IBTK: variants seen among roughly 807,000 people sequenced by gnomAD.
IBTK encodes the protein BTK-binding protein.
In IBTK, 83 loss-of-function variants were observed where a neutral mutation model predicts 154.9. The ratio of observed to expected loss-of-function variants is 0.54; its 90% CI spans 0.45 to 0.64. The LOEUF is 0.64. Ranked by LOEUF, IBTK falls within the 30% of genes least tolerant of loss-of-function variation. The pLI, the probability that IBTK is intolerant of heterozygous loss-of-function variation, is 0.00. For synonymous variants in IBTK, 515 were observed against 536.1 expected (o/e 0.96, Z 0.54); for missense variants, 1,332 against 1,584.6 (o/e 0.84, Z 2.71).
rs1254834128 is a variant in IBTK, at chr6:82,218,090, C to T, written c.1296G>A (p.Trp432Ter). The part of the protein sequence containing the change: ...SVNSSLKQCR[W>*]AYPRQVFISD... ...AAATGAAGACCTGACGTGGATAGGC[C>T]CATCGACACTGCTTCAGAGAACTGT... Residue 432 changes from tryptophan to a stop codon, truncating the protein, a stop_gained, in exon 10 of 29, where the codon TGG (tryptophan) becomes TGA (stop). Transcript: ENST00000306270. LOFTEE classifies it high-confidence loss of function. 1 of 1,600,568 alleles carries T rather than the reference C, an allele frequency of 6.2e-7. No individual in the cohort carries two copies. Among genetic ancestry groups the T allele is most frequent in the Non-Finnish European group, 8.5e-7 (1 of 1,174,880 alleles).
intron 25 of IBTK, among the ~76,000 whole-genome samples, chr6:82,185,038 C>A (rs1191072235): frequency 2.0e-5 from 3 of 151,736 alleles, no homozygotes; most frequent in Non-Finnish European, 4.4e-5. Context: ...CAAAAATTAG[C>A]CAGGCATAGT....
chr6:82,237,394 T>C (rs1263578756), intron 2 of IBTK, among the ~76,000 whole-genome samples: 2 of 152,172 alleles, frequency 1.3e-5, no homozygotes, highest in Non-Finnish European at 2.9e-5. Flanking sequence ...AAGAGGAATC[T>C]TCTCTACCAT....
chr6:82,214,677 T>C lies in IBTK; in HGVS notation c.1754A>G (p.His585Arg). Residue 585 changes from histidine (H) to arginine (R), a missense_variant, in exon 12 of 29, where the codon CAT (histidine) becomes CGT (arginine). Coordinates refer to ENST00000306270, the MANE Select transcript of IBTK (RefSeq NM_015525.4). ...AAACAATTTCTGAAAAAAATCAGAA[T>C]GCACTGCCAAAATATATTTATGTGC... ...FPAHKYILAV[H>R]SDFFQKLFLS... 1.2e-6 allele frequency: 2 copies of C among 1,614,092 alleles called. No individual in the cohort carries two copies. Among genetic ancestry groups the C allele is most frequent in the South Asian group, 1.1e-5 (1 of 91,084 alleles).
At chr6:82,242,117 C>A (rs1432809331) in intron 1 of IBTK, among the ~76,000 whole-genome samples, 1 of 152,204 alleles carries the variant, frequency 6.6e-6, no homozygotes. Flanking sequence ...TGCCTGTAAT[C>A]CCAGCACTTT....
At position 82,171,180 on chromosome 6, in the gene IBTK, C is replaced by G. The variant is rs77937699; in HGVS notation, c.*245G>C. On this transcript the variant is annotated 3_prime_UTR_variant, in exon 29 of 29. Coordinates refer to ENST00000306270, the MANE Select transcript of IBTK (RefSeq NM_015525.4). ...CCTTTGTTAGATTATTCAGAAGAAACAATTCTATTTAACCTTAATAAGTTT... is the reference window on the plus strand; with the variant it reads ...CCTTTGTTAGATTATTCAGAAGAAAGAATTCTATTTAACCTTAATAAGTTT... The G allele has an allele frequency of 1.5e-3, 378 of 252,334 alleles. 8 individuals carry two copies. The East Asian group carries it at 0.031, about 21-fold the overall frequency. The allele number at this position is 252,334 out of a possible 1,614,324, so 15.6% of individuals were successfully genotyped here.
chr6:82,191,753 C>T, intron 24 of IBTK, 34 bp downstream of exon 24: 1 of 1,246,150 alleles, frequency 8.0e-7, no homozygotes, highest in Non-Finnish European at 1.2e-6. Flanking sequence ...AGAAATACAA[C>T]ATGAAATGAT....
intron 25 of IBTK, among the ~76,000 whole-genome samples, chr6:82,189,307 G>C (rs1050704654): frequency 2.6e-5 from 4 of 151,948 alleles, no homozygotes; most frequent in Admixed American, 6.6e-5. Flanking sequence ...GAAAAAAAAA[G>C]TGGAGAAGAA....
At chr6:82,187,905 C>T (rs548341963) in intron 25 of IBTK, among the ~76,000 whole-genome samples, 52 of 152,192 alleles carry the variant, frequency 3.4e-4, no homozygotes, top group South Asian at 2.1e-3. Flanking sequence ...AGTCTATACA[C>T]TAAATGTGAA....
At position 82,234,231 on chromosome 6, in the gene IBTK, C is replaced by T. The variant is rs144335877; in HGVS notation, c.346G>A (p.Asp116Asn). The T allele has an allele frequency of 3.4e-5, 55 of 1,595,106 alleles. 1 individual carries two copies. Among genetic ancestry groups the T allele is most frequent in the Non-Finnish European group, 4.6e-5 (54 of 1,166,060 alleles). The change falls in exon 3 of 29, where the codon GAT (aspartate) becomes AAT (asparagine). Residue 116 changes from aspartate to asparagine, a missense_variant. Physicochemically the swap from Asp to Asn is conservative, Grantham distance 23. This residue lies in a region of IBTK where 114 missense variants were observed against 213.7 expected (regional missense o/e 0.53). Transcript: ENST00000306270. ...TCCAAAGCTGACAAGCCTTCTTTAT[C>T]TTGAATATACAGACTAACACCATGC... The part of the protein sequence containing the change: ...LKHGVSLYIQ[D>N]KEGLSALDLV...
At chr6:82,192,512 C>T (rs1307727991) in intron 23 of IBTK, among the ~76,000 whole-genome samples, 1 of 151,860 alleles carries the variant, frequency 6.6e-6, no homozygotes, top group Non-Finnish European at 1.5e-5. Flanking sequence ...TTTGGGAGGC[C>T]GAGGCGGGTG....
At chr6:82,180,315 G>A (rs1768274200) in intron 26 of IBTK, among the ~76,000 whole-genome samples, 1 of 151,816 alleles carries the variant, frequency 6.6e-6, no homozygotes. Context: ...GCACAATCAT[G>A]GCTAACTGCA....
intron 21 of IBTK, among the ~76,000 whole-genome samples, chr6:82,196,661 T>C (rs890819422): frequency 2.6e-5 from 4 of 152,202 alleles, no homozygotes; most frequent in Non-Finnish European, 5.9e-5. Context: ...AAAACAATAA[T>C]TTTATTCATT....
chr6:82,203,096 GAGTT>G (rs1769271123), intron 17 of IBTK, among the ~76,000 whole-genome samples: 1 of 87,988 alleles, frequency 1.1e-5, no homozygotes, highest in Admixed American at 1.2e-4. Context: ...AAAATATATT[GAGTT>G]ATCTATCAGA....
At chr6:82,220,128 T>C (rs1029210680) in intron 9 of IBTK, among the ~76,000 whole-genome samples, 2 of 152,108 alleles carry the variant, frequency 1.3e-5, no homozygotes, top group Admixed American at 6.5e-5. Flanking sequence ...GAGAATCGCC[T>C]GAACCCAGGA....
Position 82,212,714 on chromosome 6 carries a change from T to TC in IBTK, c.2283dup (p.Lys762GlufsTer8), listed in dbSNP as rs768821128. The TC allele has an allele frequency of 6.3e-7, 1 of 1,584,800 alleles. No homozygotes were observed. Among genetic ancestry groups the TC allele is most frequent in the Non-Finnish European group, 8.7e-7 (1 of 1,153,794 alleles). ...CTTCCTTTCCTTACTTACCATTTTT[T>TC]CTGACTTAGCTTCAGTTTATTACCA... is the stretch of plus-strand genomic sequence containing the variant. On this transcript the variant is annotated frameshift_variant, in exon 13 of 29. Coordinates refer to ENST00000306270, the MANE Select transcript of IBTK (RefSeq NM_015525.4). LOFTEE classifies it high-confidence loss of function.
At position 82,171,549 on chromosome 6, in the gene IBTK, T is replaced by C; in HGVS notation, c.3938A>G (p.Glu1313Gly). ...AACCAATAAATCTTGTATGGCATGC[T>C]CCTCAATCTGAAAGGAGGAAGGGAA... Reference protein sequence around the residue: ...EKPLALIQIEEHAIQDLLVFY... With the variant: ...EKPLALIQIEGHAIQDLLVFY... The change falls in exon 29 of 29, where the codon GAG becomes GGG. Residue 1313 changes from glutamate (E) to glycine (G), a missense_variant. By Grantham distance (98) the Glu-to-Gly change is moderately conservative. Around this residue, in one of 3 missense-constraint regions of IBTK, gnomAD observed 1,134 missense variants for 1,274.7 expected, o/e 0.89. Transcript: ENST00000306270. 6.3e-7 allele frequency: 1 copy of C among 1,597,002 alleles called. No homozygotes were observed. Among genetic ancestry groups the C allele is most frequent in the Non-Finnish European group, 8.5e-7 (1 of 1,169,606 alleles).
chr6:82,235,309 C>T (rs907376909), intron 2 of IBTK, among the ~76,000 whole-genome samples: 16 of 152,080 alleles, frequency 1.1e-4, no homozygotes, highest in African/African-American at 2.4e-5. Context: ...TGAGGAGCCA[C>T]ACTCTGCCGG....
At chr6:82,188,623 T>C (rs1768640559) in intron 25 of IBTK, among the ~76,000 whole-genome samples, 1 of 152,018 alleles carries the variant, frequency 6.6e-6, no homozygotes, top group East Asian at 1.9e-4. Flanking sequence ...AACAATACTA[T>C]AGAAAAAGGT....
rs201750480 is a variant in IBTK, at chr6:82,214,582, G to A, written c.1849C>T (p.Leu617Phe). Residue 617 changes from leucine to phenylalanine, a missense_variant, in exon 12 of 29, where the codon CTC becomes TTC. By Grantham distance (22) the Leu-to-Phe change is conservative. Coordinates refer to ENST00000306270, the MANE Select transcript of IBTK (RefSeq NM_015525.4). ...GGATGAACCTTCTCTACCACAAAGA[G>A]ATGGCACCCTGCAGAATCTTCATCT... ...QKDEDSAGCH[L>F]FVVEKVHPDM... 2 of 1,614,070 alleles carry A rather than the reference G, an allele frequency of 1.2e-6. No individual in the cohort carries two copies. Among genetic ancestry groups the A allele is most frequent in the Non-Finnish European group, 1.7e-6 (2 of 1,180,000 alleles).
Sources: allele counts gnomAD v4.1 joint callset (sites outside exome capture counted in the v4.1 genomes callset), GRCh38; gene constraint gnomAD v4.1.1; regional missense constraint gnomAD v4.1.1; transcripts MANE v1.5; gene names NCBI Gene and HGNC (gene_info 2026-07-23, HGNC 2026-07-21).